Variants in FER observed in about 807,000 individuals in gnomAD.
The protein encoded by FER is tyrosine-protein kinase Fer.
Under a neutral mutation model 111.0 loss-of-function variants are expected in FER, and 63 were observed. The observed-to-expected ratio is 0.57, with a 90% confidence interval of 0.46 to 0.70. The LOEUF is 0.70. Ranked by LOEUF, FER falls within the 30% of genes least tolerant of loss-of-function variation. The pLI, the probability that FER is intolerant of heterozygous loss-of-function variation, is 0.00. For missense variants in FER, 914 were observed against 954.0 expected (o/e 0.96, Z 0.55); for synonymous variants, 327 against 313.9 (o/e 1.04, Z -0.44).
intron 16 of FER, among the ~76,000 whole-genome samples, chr5:109,071,239 A>G (rs1393085224): frequency 1.3e-5 from 2 of 151,958 alleles, no homozygotes; most frequent in South Asian, 2.1e-4. Context: ...TTCTCAGTCT[A>G]TCCTTGTTTT....
chr5:108,871,441 C>A lies in FER; in HGVS notation c.742C>A (p.Gln248Lys). ...AATAGTGAATGTCCATAAAGAGATT[C>A]AAATGTCGGTTGAACAGATAGATCC... Reference protein sequence around the residue: ...EEIVNVHKEIQMSVEQIDPST... With the variant: ...EEIVNVHKEIKMSVEQIDPST... Residue 248 changes from glutamine (Q) to lysine (K), a missense_variant, in exon 7 of 20, where the codon CAA becomes AAA. Physicochemically the swap from Gln to Lys is moderately conservative, Grantham distance 53. Around this residue, in one of 3 missense-constraint regions of FER, gnomAD observed 774 missense variants for 782.6 expected, o/e 0.99. Transcript: ENST00000281092. 1 of 1,611,534 alleles carries A rather than the reference C, an allele frequency of 6.2e-7. No homozygotes were observed. The highest frequency in any genetic ancestry group is 1.1e-5 in the South Asian group (1 of 90,914).
chr5:109,064,658 A>T (rs534875254), intron 16 of FER, among the ~76,000 whole-genome samples: 13 of 152,280 alleles, frequency 8.5e-5, no homozygotes, highest in Non-Finnish European at 1.5e-5. Flanking sequence ...CTTCGATGGC[A>T]TTTATACCTA....
At position 108,864,295 on chromosome 5, in the gene FER, T is replaced by C. The variant is rs774982383; in HGVS notation, c.482-3472T>C. 3.7e-4 allele frequency among the ~76,000 whole-genome samples: 57 copies of C among 152,164 alleles called. 1 individual carries two copies. The highest frequency in any genetic ancestry group is 1.9e-4 in the Non-Finnish European group (13 of 68,024). On this transcript the variant is annotated intron_variant, in intron 5 of 19. Coordinates refer to ENST00000281092, the MANE Select transcript of FER (RefSeq NM_005246.4). Reference sequence around the variant, plus strand: ...AGAAGGTTTGTTTCTGTTTATACGATGTGGATGTAGTTCCTGAGCATCAGA... The same window carrying C: ...AGAAGGTTTGTTTCTGTTTATACGACGTGGATGTAGTTCCTGAGCATCAGA...
At chr5:108,792,080 T>C (rs1425625933) in intron 2 of FER, among the ~76,000 whole-genome samples, 1 of 152,250 alleles carries the variant, frequency 6.6e-6, no homozygotes, top group East Asian at 1.9e-4. Context: ...TGTTGATCAC[T>C]GTAGCTTTTT....
At chr5:108,784,075 G>T in intron 2 of FER, 2 of 153,982 alleles carry the variant, frequency 1.3e-5, no homozygotes, top group South Asian at 3.7e-4. Flanking sequence ...GATGGAAAAG[G>T]GGAATCTCGA....
At chr5:108,854,533 T>C (rs1410114612) in intron 5 of FER, among the ~76,000 whole-genome samples, 1 of 152,204 alleles carries the variant, frequency 6.6e-6, no homozygotes, top group African/African-American at 2.4e-5. Context: ...TGCCTGTAAC[T>C]GACCTGGAAT....
At chr5:109,029,939 A>G (rs1487540609) in intron 13 of FER, among the ~76,000 whole-genome samples, 1 of 151,936 alleles carries the variant, frequency 6.6e-6, no homozygotes, top group Non-Finnish European at 1.5e-5. Context: ...CTCTCCTTTT[A>G]TCTCAGATTA....
chr5:108,995,424 AC>A (rs1216485461), intron 13 of FER, among the ~76,000 whole-genome samples: 1 of 125,112 alleles, frequency 8.0e-6, no homozygotes, highest in African/African-American at 3.1e-5. Context: ...CTAGCCCCCC[AC>A]CCCCCAACAG....
chr5:109,022,787 T>C (rs994255002), intron 13 of FER, among the ~76,000 whole-genome samples: 5 of 152,022 alleles, frequency 3.3e-5, no homozygotes, highest in African/African-American at 1.2e-4. Context: ...CATACAAATG[T>C]ATAGAGGATC....
intron 1 of FER, among the ~76,000 whole-genome samples, chr5:108,756,450 C>T (rs1751122186): frequency 6.6e-6 from 1 of 151,782 alleles, no homozygotes. Context: ...TCTGAATCTA[C>T]TCCAAATTTA....
chr5:109,053,134 C>T (rs1411548110), intron 16 of FER, among the ~76,000 whole-genome samples: 3 of 152,036 alleles, frequency 2.0e-5, no homozygotes, highest in Non-Finnish European at 4.4e-5. Context: ...CGCCTGTAAT[C>T]CTATCACTTT....
intron 5 of FER, among the ~76,000 whole-genome samples, chr5:108,853,556 A>G (rs1006430911): frequency 6.6e-6 from 1 of 152,218 alleles, no homozygotes; most frequent in South Asian, 2.1e-4. Context: ...CCATGTGATC[A>G]TCTGTAGCAA....
intron 5 of FER, among the ~76,000 whole-genome samples, chr5:108,839,928 C>T (rs1008642726): frequency 1.3e-5 from 2 of 152,090 alleles, no homozygotes; most frequent in African/African-American, 4.8e-5. Context: ...TCGGGACTGA[C>T]TTTAATTTAC....
Position 108,897,864 on chromosome 5 carries a change from A to G in FER, c.1236+16A>G. The stretch of plus-strand genomic sequence containing the variant: ...TACATCTATGGTAAGCTAAAGAATA[A>G]TCCAATGAGAAACTTGGAAGAGTAG... On this transcript the variant is annotated intron_variant, in intron 10 of 19. Coordinates refer to ENST00000281092, the MANE Select transcript of FER (RefSeq NM_005246.4). 6.3e-7 allele frequency: 1 copy of G among 1,576,588 alleles called. No individual in the cohort carries two copies. The highest frequency in any genetic ancestry group is 1.2e-5 in the South Asian group (1 of 84,962).
chr5:108,900,406 A>G (rs111841279), intron 10 of FER, among the ~76,000 whole-genome samples: 85 of 152,324 alleles, frequency 5.6e-4, no homozygotes, highest in African/African-American at 1.6e-3. Context: ...TCCCCAAATG[A>G]CTGTTTAAGC....
At chr5:108,868,263 T>C (rs563433734) in intron 6 of FER, among the ~76,000 whole-genome samples, 25 of 152,216 alleles carry the variant, frequency 1.6e-4, no homozygotes, top group African/African-American at 5.8e-4. Flanking sequence ...GAGAGTTGGG[T>C]ATTTAAATCT....
At chr5:109,039,526 T>C (rs1581754906) in intron 14 of FER, among the ~76,000 whole-genome samples, 1 of 152,128 alleles carries the variant, frequency 6.6e-6, no homozygotes, top group African/African-American at 2.4e-5. Context: ...ATTGGAAGCG[T>C]TACTAGTTGT....
chr5:108,984,713 G>A (rs780591300), intron 13 of FER, among the ~76,000 whole-genome samples: 20 of 150,800 alleles, frequency 1.3e-4, no homozygotes, highest in African/African-American at 4.6e-4. Context: ...CTAAAAGTAC[G>A]TGGGGAAACT....
At chr5:109,106,516 T>G (rs2150078506) in intron 17 of FER, among the ~76,000 whole-genome samples, 1 of 152,310 alleles carries the variant, frequency 6.6e-6, no homozygotes, top group African/African-American at 2.4e-5. Flanking sequence ...TTGAATATAT[T>G]AAGCTGTATT....
Sources: allele counts gnomAD v4.1 joint callset (sites outside exome capture counted in the v4.1 genomes callset), GRCh38; gene constraint gnomAD v4.1.1; regional missense constraint gnomAD v4.1.1; transcripts MANE v1.5; gene names NCBI Gene and HGNC (gene_info 2026-07-23, HGNC 2026-07-21).